The following CHRDL1 variants were observed in gnomAD, a reference collection of about 807,000 sequenced individuals.
The protein encoded by CHRDL1 is chordin like 1.
In CHRDL1, 19 loss-of-function variants were observed where a neutral mutation model predicts 40.9. The observed-to-expected ratio is 0.46, with a 90% CI of 0.32 to 0.68. The LOEUF (loss-of-function observed/expected upper bound fraction) is 0.68. Among genes scored for constraint, CHRDL1 ranks in the 30% least tolerant of loss-of-function variants. CHRDL1 has a pLI of 0.03. For synonymous variants in CHRDL1, 136 were observed against 123.4 expected, an observed-to-expected ratio of 1.10 and a Z score of -0.68; for missense variants, 329 against 352.1, an observed-to-expected ratio of 0.93 and a Z score of 0.53.
At chrX:110,749,762 G>A (rs1485194822) in intron 4 of CHRDL1, among the ~76,000 whole-genome samples, 1 of 111,682 alleles carries the variant, frequency 9.0e-6, no homozygotes, top group Non-Finnish European at 1.9e-5. Context: ...AAAGACAATT[G>A]CTTATCTTAG....
chrX:110,714,281 A>T (rs1239557569), intron 6 of CHRDL1, among the ~76,000 whole-genome samples: 1 of 111,176 alleles, frequency 9.0e-6, no homozygotes, highest in African/African-American at 3.3e-5. Context: ...AAAAAAAAAG[A>T]CACATGCACG....
At chrX:110,764,662 G>C (rs1202746732) in intron 2 of CHRDL1, among the ~76,000 whole-genome samples, 2 of 111,525 alleles carry the variant, frequency 1.8e-5, no homozygotes, top group Non-Finnish European at 3.8e-5. Flanking sequence ...CTGCCTGTAG[G>C]GTCAGGCAAA....
chrX:110,689,074 A>G (rs1324865029), intron 8 of CHRDL1, among the ~76,000 whole-genome samples: 5 of 2,259 alleles, frequency 2.2e-3, no homozygotes, highest in African/African-American at 7.0e-3. Flanking sequence ...ATATATATGT[A>G]TATATATATA....
rs1488859449 is a variant in CHRDL1 at position 110,733,646 on chromosome X, G to A, written c.302-12116C>T. ...ATGCTGGCTGGGCGCAGTGGCTCATGACTGTAATCCCAGCACTTTGGGAGG... is the reference window on the plus strand; with the variant it reads ...ATGCTGGCTGGGCGCAGTGGCTCATAACTGTAATCCCAGCACTTTGGGAGG... On this transcript the variant is annotated intron_variant, in intron 4 of 11. Transcript: ENST00000372042. 3.6e-5 allele frequency among the ~76,000 whole-genome samples: 4 copies of A among 111,632 alleles called. No individual in the cohort carries two copies. The East Asian group carries it at 1.1e-3, about 31-fold the overall frequency.
At chrX:110,730,050 A>G (rs1438613322) in intron 4 of CHRDL1, among the ~76,000 whole-genome samples, 1 of 111,961 alleles carries the variant, frequency 8.9e-6, no homozygotes, top group Non-Finnish European at 1.9e-5. Flanking sequence ...TAACCCTTAC[A>G]GTGGCCATCC....
chrX:110,691,463 GGT>G (rs1451451924), intron 8 of CHRDL1, among the ~76,000 whole-genome samples: 3 of 110,320 alleles, frequency 2.7e-5, no homozygotes, highest in Non-Finnish European at 3.8e-5. Context: ...ACTAGGACTG[GGT>G]GTGTTTCTTA....
chrX:110,730,696 C>A (rs778731612), intron 4 of CHRDL1, among the ~76,000 whole-genome samples: 1 of 110,830 alleles, frequency 9.0e-6, no homozygotes, highest in Non-Finnish European at 1.9e-5. Context: ...GATCTTCTTG[C>A]CTCAGCCTCC....
intron 4 of CHRDL1, among the ~76,000 whole-genome samples, chrX:110,757,395 G>A (rs746100886): frequency 1.6e-3 from 179 of 109,590 alleles, no homozygotes; most frequent in Non-Finnish European, 2.7e-3. Flanking sequence ...AAAAAACGAA[G>A]AACCCGCAAA....
At chrX:110,776,610 G>T (rs2089857045) in intron 2 of CHRDL1, among the ~76,000 whole-genome samples, 1 of 110,799 alleles carries the variant, frequency 9.0e-6, no homozygotes. Context: ...CATAAACTGT[G>T]GGGGGAGGGA....
intron 6 of CHRDL1, among the ~76,000 whole-genome samples, chrX:110,718,817 C>CTTATT (rs2070891054): frequency 8.9e-6 from 1 of 111,903 alleles, no homozygotes; most frequent in Admixed American, 9.5e-5. Flanking sequence ...TTTGTCTTTT[C>CTTATT]TGGTGAGTTC....
intron 1 of CHRDL1, among the ~76,000 whole-genome samples, chrX:110,795,201 G>T (rs1186198946): frequency 9.0e-6 from 1 of 111,545 alleles, no homozygotes; most frequent in East Asian, 2.8e-4. Context: ...CTGGAAAGCA[G>T]GCTTTCCGGG....
intron 1 of CHRDL1, among the ~76,000 whole-genome samples, chrX:110,793,811 G>A (rs2090140141): frequency 8.9e-6 from 1 of 111,891 alleles, no homozygotes; most frequent in Admixed American, 9.5e-5. Context: ...TTGTATAATG[G>A]TTGGGCGATT....
intron 2 of CHRDL1, 69 bp downstream of exon 2, chrX:110,792,019 T>C: frequency 1.5e-6 from 1 of 664,041 alleles, no homozygotes; most frequent in East Asian, 3.5e-5. Context: ...TCATAATTGC[T>C]ACAGATTATA....
intron 7 of CHRDL1, among the ~76,000 whole-genome samples, chrX:110,695,633 G>C (rs2070370514): frequency 1.8e-5 from 2 of 112,352 alleles, no homozygotes; most frequent in South Asian, 7.3e-4. Flanking sequence ...CAATTGAAAA[G>C]GAAGGTCTTT....
intron 6 of CHRDL1, among the ~76,000 whole-genome samples, chrX:110,716,416 A>G (rs1429715715): frequency 9.0e-6 from 1 of 110,767 alleles, no homozygotes; most frequent in Non-Finnish European, 1.9e-5. Context: ...GAAAAAGAGT[A>G]TCTGTCTTGA....
rs184884038 is a variant in CHRDL1, at chrX:110,700,590, C to T, written c.609+64G>A. ...TTTGGATTTGCTAGAATAGTAGCCA[C>T]GAGGAGAGGAAAGCTTGGCCTGATG... On this transcript the variant is annotated intron_variant, in intron 7 of 11. Transcript: ENST00000372042. 3.1e-5 allele frequency: 23 copies of T among 749,121 alleles called. No homozygotes were observed. The East Asian group carries it at 5.4e-4, about 18-fold the overall frequency. The allele number at this position is 749,121 out of a possible 1,213,427, so 61.7% of individuals were successfully genotyped here. A position where few individuals can be genotyped will look rare whatever the true frequency, so the allele number is the denominator to read the frequency against.
At position 110,759,592 on chromosome X, in the gene CHRDL1, A is replaced by T. The variant is rs1029136689; in HGVS notation, c.301+69T>A. On this transcript the variant is annotated intron_variant, in intron 4 of 11. Coordinates refer to ENST00000372042, the MANE Select transcript of CHRDL1 (RefSeq NM_001143981.2). ...GTTTCCCTTCTGGGGAATTATGGAGATGAGTTGAGTTGGGTGAAGAGGGAA... is the reference window on the plus strand; with the variant it reads ...GTTTCCCTTCTGGGGAATTATGGAGTTGAGTTGAGTTGGGTGAAGAGGGAA... The T allele has an allele frequency of 1.2e-5, 9 of 740,116 alleles. No individual in the cohort carries two copies. The Admixed American group carries it at 2.0e-4, about 16-fold the overall frequency. The allele number at this position is 740,116 out of a possible 1,213,427, so 61.0% of individuals were successfully genotyped here. A position where few individuals can be genotyped will look rare whatever the true frequency, so the allele number is the denominator to read the frequency against.
At chrX:110,716,263 GA>G (rs1449263529) in intron 6 of CHRDL1, among the ~76,000 whole-genome samples, 1 of 110,206 alleles carries the variant, frequency 9.1e-6, no homozygotes, top group Non-Finnish European at 1.9e-5. Context: ...AATTCAGGGG[GA>G]AAAATGCACA....
intron 6 of CHRDL1, among the ~76,000 whole-genome samples, chrX:110,709,889 C>G (rs1186268240): frequency 1.8e-5 from 2 of 111,349 alleles, no homozygotes; most frequent in South Asian, 3.9e-4. Context: ...GTAGTCTGAG[C>G]TACTTGGGAG....
Sources: allele counts gnomAD v4.1 joint callset (sites outside exome capture counted in the v4.1 genomes callset), GRCh38; gene constraint gnomAD v4.1.1; transcripts MANE v1.5; gene names NCBI Gene and HGNC (gene_info 2026-07-23, HGNC 2026-07-21).